Variants in KCTD10 observed in about 807,000 individuals in gnomAD.
KCTD10 encodes potassium channel tetramerization domain containing 10, also known as BTB/POZ domain-containing adapter for CUL3-mediated RhoA degradation protein 3.
KCTD10 carries 13 observed loss-of-function variants against 34.6 expected under a neutral mutation model. The observed-to-expected ratio is 0.38, with a 90% confidence interval of 0.24 to 0.60. KCTD10 has a LOEUF of 0.60. Ranked by LOEUF, KCTD10 falls within the 20% of genes least tolerant of loss-of-function variation. The probability of loss-of-function intolerance (pLI) is 0.66; values close to 1 mark genes in which losing one functional copy is unlikely to be tolerated. For synonymous variants in KCTD10, 156 were observed against 168.8 expected, an observed-to-expected ratio of 0.92 and a Z score of 0.59; for missense variants, 256 against 420.3, an observed-to-expected ratio of 0.61 and a Z score of 3.42.
rs980805121 is a variant in KCTD10 at position 109,450,332 on chromosome 12, G to A, written c.*1263C>T. 4 of 376,534 alleles carry A rather than the reference G, an allele frequency of 1.1e-5. No individual in the cohort carries two copies. Among genetic ancestry groups the A allele is most frequent in the East Asian group, 7.2e-5 (2 of 27,832 alleles). 23.3% of individuals were successfully genotyped at this position (376,534 alleles called of 1,614,324 possible). A position where few individuals can be genotyped will look rare whatever the true frequency, so the allele number is the denominator to read the frequency against. On this transcript the variant is annotated 3_prime_UTR_variant, in exon 7 of 7. Coordinates refer to ENST00000228495, the MANE Select transcript of KCTD10 (RefSeq NM_031954.5). Reference sequence around the variant, plus strand: ...AACACCCGTCCTACATAGGCGCTGCGCCCAGCCGGGCTCCAGCAGGGGCCG... The same window carrying A: ...AACACCCGTCCTACATAGGCGCTGCACCCAGCCGGGCTCCAGCAGGGGCCG...
At chr12:109,463,171 C>T (rs1422686897) in intron 2 of KCTD10, among the ~76,000 whole-genome samples, 1 of 152,196 alleles carries the variant, frequency 6.6e-6, no homozygotes, top group Non-Finnish European at 1.5e-5. Context: ...GAACCTTCCA[C>T]GTTCTGCCTT....
At chr12:109,468,813 C>T (rs1213137815) in intron 2 of KCTD10, among the ~76,000 whole-genome samples, 3 of 152,056 alleles carry the variant, frequency 2.0e-5, no homozygotes, top group Middle Eastern at 3.4e-3. Context: ...CCACCACGCC[C>T]GGCTAATTTT....
At chr12:109,472,973 T>C (rs1319504883) in intron 1 of KCTD10, among the ~76,000 whole-genome samples, 1 of 152,242 alleles carries the variant, frequency 6.6e-6, no homozygotes, top group Non-Finnish European at 1.5e-5. Context: ...TCTTGGAACA[T>C]TTCCATGCCT....
chr12:109,469,785 C>T (rs1453727106), intron 1 of KCTD10, 57 bp from the exon 2 acceptor site: 2 of 1,596,584 alleles, frequency 1.3e-6, no homozygotes, highest in Non-Finnish European at 1.7e-6. Context: ...TGCTTTCAGC[C>T]TGTGGATTCA....
chr12:109,469,410 C>T, intron 2 of KCTD10, 105 bp downstream of exon 2: 3 of 1,381,790 alleles, frequency 2.2e-6, no homozygotes, highest in Non-Finnish European at 3.0e-6. Context: ...AACAAGCTGC[C>T]TCCTACACAT....
chr12:109,475,370 G>A (rs758047351), intron 1 of KCTD10, among the ~76,000 whole-genome samples: 17 of 152,078 alleles, frequency 1.1e-4, no homozygotes, highest in Non-Finnish European at 2.1e-4. Flanking sequence ...CCAGCTACTC[G>A]GGAGACTGCG....
intron 1 of KCTD10, among the ~76,000 whole-genome samples, chr12:109,473,025 CA>C (rs1470039828): frequency 6.6e-6 from 1 of 152,148 alleles, no homozygotes; most frequent in Non-Finnish European, 1.5e-5. Flanking sequence ...GCATTTCTAC[CA>C]CATGCCTTTT....
rs751097809 is a variant in KCTD10, at chr12:109,451,802, G to A, written c.735C>T (p.Pro245=). The A allele has an allele frequency of 8.1e-6, 13 of 1,613,228 alleles. No individual in the cohort carries two copies. The highest frequency in any genetic ancestry group is 1.6e-4 in the Middle Eastern group (1 of 6,080). ...GGGTCTCCTCATAAATCCGGGCTTC[G>A]GGAAACTCCACCTGTGTTCCCACAG... ...TEKKQTKVEF[P]EARIYEETLN... is the part of the protein sequence containing the mutation. Residue 245 remains proline (P), a synonymous_variant, in exon 7 of 7, where the codon CCC becomes CCT. Coordinates refer to ENST00000228495, the MANE Select transcript of KCTD10 (RefSeq NM_031954.5). This position sits in a 1 kb window ranked among gnomAD's most constrained non-coding sequence, Gnocchi z 5.0.
At chr12:109,458,470 A>T (rs959414683) in intron 3 of KCTD10, 1 of 162,016 alleles carries the variant, frequency 6.2e-6, no homozygotes, top group African/African-American at 2.4e-5. Flanking sequence ...AAAGAATGGG[A>T]GAAGTGAGGT....
At chr12:109,454,445 T>C (rs1369845307) in intron 6 of KCTD10, among the ~76,000 whole-genome samples, 1 of 152,108 alleles carries the variant, frequency 6.6e-6, no homozygotes, top group Non-Finnish European at 1.5e-5. Flanking sequence ...GAGAGTGATA[T>C]GGGCTGGGTG....
chr12:109,470,283 C>T (rs1046338721), intron 1 of KCTD10: 1 of 985,222 alleles, frequency 1.0e-6, no homozygotes, highest in East Asian at 1.1e-4. Context: ...CCAGCTGGCA[C>T]TCCTATCACT....
chr12:109,448,667 CTT>C lies in KCTD10; in HGVS notation c.*2926_*2927del, dbSNP rs890381168. 1 of 152,220 alleles carries C rather than the reference CTT, an allele frequency of 6.6e-6. No homozygotes were observed. The highest frequency in any genetic ancestry group is 1.5e-5 in the Non-Finnish European group (1 of 68,038). 9.4% of individuals were successfully genotyped at this position (152,220 alleles called of 1,614,324 possible). On this transcript the variant is annotated 3_prime_UTR_variant, in exon 7 of 7. Coordinates refer to ENST00000228495, the MANE Select transcript of KCTD10 (RefSeq NM_031954.5). ...GCCAGAAAACAGAAGCATTTTATGA[CTT>C]TTATTTTACATGTCGCCAACGTTTG...
rs1194154995 is a variant in KCTD10, at chr12:109,450,524, AG to A, written c.*1070del. 5.0e-6 allele frequency: 2 copies of A among 397,010 alleles called. No homozygotes were observed. Among genetic ancestry groups the A allele is most frequent in the Admixed American group, 4.4e-5 (1 of 22,678 alleles). The allele number at this position is 397,010 out of a possible 1,614,324, so 24.6% of individuals were successfully genotyped here. A position where few individuals can be genotyped will look rare whatever the true frequency, so the allele number is the denominator to read the frequency against. On this transcript the variant is annotated 3_prime_UTR_variant, in exon 7 of 7. Transcript: ENST00000228495. ...TGTGTAAAAATCAGAGGCAAAGACA[AG>A]GGGGTCTGTGTTTATAGCAGGGAAG...
chr12:109,471,399 G>C (rs1328071751), intron 1 of KCTD10: 1 of 985,304 alleles, frequency 1.0e-6, no homozygotes, highest in East Asian at 1.1e-4. Context: ...AACAGAGAAA[G>C]AACGGCCTCC....
At position 109,477,029 on chromosome 12, in the gene KCTD10, C is replaced by T. The variant is rs555374433; in HGVS notation, c.3+231G>A. On this transcript the variant is annotated intron_variant, in intron 1 of 6. Coordinates refer to ENST00000228495, the MANE Select transcript of KCTD10 (RefSeq NM_031954.5). ...ACTCCGCAAGCCCAAATGTGCTTCC[C>T]GGATTCCTAACCGCCAGGGAGCCTC... Among the ~76,000 whole-genome samples the T allele has an allele frequency of 1.0e-3, 156 of 152,228 alleles. 1 individual carries two copies. Among genetic ancestry groups the T allele is most frequent in the African/African-American group, 3.6e-3 (151 of 41,518 alleles).
chr12:109,470,119 T>C lies in KCTD10; in HGVS notation c.4-391A>G, dbSNP rs12582711. The C allele has an allele frequency of 3.3e-3, 3,431 of 1,034,642 alleles. 258 individuals are homozygous for C. In the East Asian group the frequency reaches 0.2, roughly 60 times the overall value. 64.1% of individuals were successfully genotyped at this position (1,034,642 alleles called of 1,614,324 possible). On this transcript the variant is annotated intron_variant, in intron 1 of 6. Coordinates refer to ENST00000228495, the MANE Select transcript of KCTD10 (RefSeq NM_031954.5). ...ACTTCCTTTCTGCCTAGCACCTGTA[T>C]ACATGAACACCCTGGCTGCACCCTA...
rs1211441045 is a variant in KCTD10 at position 109,460,837 on chromosome 12, T to G, written c.218-32A>C. 2 of 1,607,452 alleles carry G rather than the reference T, an allele frequency of 1.2e-6. No individual in the cohort carries two copies. The highest frequency in any genetic ancestry group is 1.7e-6 in the Non-Finnish European group (2 of 1,175,466). ...AGGGAGGAGGCAGGGGCTGGTTACA[T>G]GGGCCCTCCTCTTGTGGGAGGCCCT... On this transcript the variant is annotated intron_variant, in intron 2 of 6. Transcript: ENST00000228495. The surrounding 1 kb of genome is among the most constrained non-coding windows in gnomAD (Gnocchi z 4.5).
At position 109,451,824 on chromosome 12, in the gene KCTD10, A is replaced by G; in HGVS notation, c.724-11T>C. On this transcript the variant is annotated splice_polypyrimidine_tract_variant and intron_variant, in intron 6 of 6. Coordinates refer to ENST00000228495, the MANE Select transcript of KCTD10 (RefSeq NM_031954.5). This position sits in a 1 kb window ranked among gnomAD's most constrained non-coding sequence, Gnocchi z 5.0. ...TTCGGGAAACTCCACCTGTGTTCCC[A>G]CAGTATACAGGGCAGGTAAGTTATG... 1.9e-6 allele frequency: 3 copies of G among 1,610,680 alleles called. No homozygotes were observed. Among genetic ancestry groups the G allele is most frequent in the Non-Finnish European group, 2.5e-6 (3 of 1,178,008 alleles).
chr12:109,450,805 A>C lies in KCTD10; in HGVS notation c.*790T>G, dbSNP rs1388509371. On this transcript the variant is annotated 3_prime_UTR_variant, in exon 7 of 7. Transcript: ENST00000228495. The stretch of plus-strand genomic sequence containing the variant: ...AACTGGACGGGGCTGGAGTTGGGGA[A>C]AGAACCAGAAACAGAGCTGGACACT... 1 of 156,154 alleles carries C rather than the reference A, an allele frequency of 6.4e-6. No individual in the cohort carries two copies. The highest frequency in any genetic ancestry group is 1.4e-5 in the Non-Finnish European group (1 of 71,098). The allele number at this position is 156,154 out of a possible 1,614,324, so 9.7% of individuals were successfully genotyped here.
Sources: allele counts gnomAD v4.1 joint callset (sites outside exome capture counted in the v4.1 genomes callset), GRCh38; gene constraint gnomAD v4.1.1; non-coding constraint Gnocchi (gnomAD v3.1); transcripts MANE v1.5; gene names NCBI Gene and HGNC (gene_info 2026-07-23, HGNC 2026-07-21).